Variants in SLIT2 observed in about 807,000 individuals in gnomAD.
SLIT2 encodes slit homolog 2 protein.
In SLIT2, 41 loss-of-function variants were observed where a neutral mutation model predicts 185.7. The observed-to-expected ratio is 0.22, with a 90% CI of 0.17 to 0.29. SLIT2 has a LOEUF of 0.29. Among genes scored for constraint, SLIT2 ranks in the 10% least tolerant of loss-of-function variants. The pLI, the probability that SLIT2 is intolerant of heterozygous loss-of-function variation, is 1.00. For synonymous variants in SLIT2, 693 were observed against 680.2 expected, an observed-to-expected ratio of 1.02 and a Z score of -0.29; for missense variants, 1,571 against 1,909.0, an observed-to-expected ratio of 0.82 and a Z score of 3.30.
In SLIT2 at chr4:20,539,569, A is replaced by T. The variant is rs770464588; in HGVS notation, c.1961A>T (p.His654Leu). Residue 654 changes from histidine to leucine, a missense_variant, in exon 19 of 37, where the codon CAT becomes CTT. His to Leu is a moderately conservative substitution (Grantham distance 99). This residue lies in a region of SLIT2 where 1,202 missense variants were observed against 1,416.4 expected (regional missense o/e 0.85). Coordinates refer to ENST00000504154, the MANE Select transcript of SLIT2 (RefSeq NM_004787.4). ...TVAPGAFDTL[H>L]SLSTLNLLAN... Reference sequence around the variant, plus strand: ...GCACCAGGGGCATTTGATACTCTCCATTCTTTATCTACTCTGTAAGTATGA... The same window carrying T: ...GCACCAGGGGCATTTGATACTCTCCTTTCTTTATCTACTCTGTAAGTATGA... 4 of 1,610,436 alleles carry T rather than the reference A, an allele frequency of 2.5e-6. No homozygotes were observed.
chr4:20,335,065 C>G (rs917935641), intron 4 of SLIT2, among the ~76,000 whole-genome samples: 2 of 151,928 alleles, frequency 1.3e-5, no homozygotes, highest in African/African-American at 4.8e-5. Flanking sequence ...CTGTGTAGTC[C>G]CAAAGGGCTG....
At chr4:20,332,971 T>A (rs746555647) in intron 4 of SLIT2, among the ~76,000 whole-genome samples, 1 of 152,164 alleles carries the variant, frequency 6.6e-6, no homozygotes, top group Non-Finnish European at 1.5e-5. Context: ...AGAAAGGACA[T>A]AATATTTTCT....
intron 28 of SLIT2, 22 bp downstream of exon 28, chr4:20,567,637 A>G (rs1266686954): frequency 2.0e-6 from 3 of 1,504,254 alleles, no homozygotes; most frequent in Non-Finnish European, 2.8e-6. Flanking sequence ...GTCTATGACC[A>G]TCTGTGTCTG....
At chr4:20,562,880 A>G (rs1157151462) in intron 26 of SLIT2, among the ~76,000 whole-genome samples, 4 of 151,680 alleles carry the variant, frequency 2.6e-5, no homozygotes, top group East Asian at 3.9e-4. Flanking sequence ...GGATTTTGTT[A>G]TTTGACCCAT....
chr4:20,586,591 TTAA>T (rs1329894814), intron 29 of SLIT2, among the ~76,000 whole-genome samples: 1 of 152,216 alleles, frequency 6.6e-6, no homozygotes, highest in Non-Finnish European at 1.5e-5. Context: ...GTAATGAATA[TTAA>T]GTGACTGCAT....
At chr4:20,431,010 C>T (rs1728932802) in intron 4 of SLIT2, among the ~76,000 whole-genome samples, 1 of 152,190 alleles carries the variant, frequency 6.6e-6, no homozygotes, top group South Asian at 2.1e-4. Context: ...AAGATGGCGA[C>T]AGATCAAAAT....
At chr4:20,315,437 T>G (rs1254995138) in intron 4 of SLIT2, among the ~76,000 whole-genome samples, 1 of 152,150 alleles carries the variant, frequency 6.6e-6, no homozygotes, top group East Asian at 1.9e-4. Flanking sequence ...GAAAAGCAAG[T>G]AGGCTTGTGA....
intron 4 of SLIT2, among the ~76,000 whole-genome samples, chr4:20,282,627 A>G (rs556060229): frequency 3.0e-4 from 45 of 152,342 alleles, no homozygotes; most frequent in Middle Eastern, 3.4e-3. Flanking sequence ...AATGAAAGTC[A>G]TATCACCTGT....
At chr4:20,539,711 C>T (rs934216662) in intron 19 of SLIT2, 127 bp downstream of exon 19, 10 of 527,766 alleles carry the variant, frequency 1.9e-5, no homozygotes, top group Non-Finnish European at 3.0e-5. Context: ...AAAGGACAAA[C>T]TTGTTCACAT....
chr4:20,279,166 A>G (rs1014583921), intron 4 of SLIT2, among the ~76,000 whole-genome samples: 4 of 152,194 alleles, frequency 2.6e-5, no homozygotes, highest in Admixed American at 2.0e-4. Context: ...AAGTCATTTC[A>G]TGTATTGAGG....
At chr4:20,540,683 G>C (rs1253586496) in intron 19 of SLIT2, among the ~76,000 whole-genome samples, 1 of 152,072 alleles carries the variant, frequency 6.6e-6, no homozygotes, top group African/African-American at 2.4e-5. Context: ...GGGGAATAAA[G>C]ATAGAGAAAA....
intron 4 of SLIT2, among the ~76,000 whole-genome samples, chr4:20,396,670 C>G (rs1577573537): frequency 1.3e-5 from 2 of 151,492 alleles, no homozygotes; most frequent in Admixed American, 1.3e-4. Flanking sequence ...CATTGCGATA[C>G]TCATAGAATT....
At position 20,290,845 on chromosome 4, in the gene SLIT2, G is replaced by A. The variant is rs374544806; in HGVS notation, c.395+21964G>A. On this transcript the variant is annotated intron_variant, in intron 4 of 36. Transcript: ENST00000504154. ...CTTATTTTTTTCTGTATCATTTTTC[G>A]TAATAACCTATATATCAGAAAATCA... Among the ~76,000 whole-genome samples, 59 of 147,186 alleles carry A rather than the reference G, an allele frequency of 4.0e-4. 1 individual carries two copies. In the South Asian group the frequency reaches 7.0e-3, roughly 17 times the overall value.
intron 9 of SLIT2, among the ~76,000 whole-genome samples, chr4:20,496,772 A>G (rs1052637015): frequency 1.3e-5 from 2 of 152,192 alleles, no homozygotes; most frequent in African/African-American, 4.8e-5. Context: ...GCACTTGATA[A>G]ATATTTATTG....
intron 21 of SLIT2, among the ~76,000 whole-genome samples, 160 bp from the exon 22 acceptor site, chr4:20,545,871 T>G (rs1210603290): frequency 1.3e-5 from 2 of 152,058 alleles, no homozygotes; most frequent in Non-Finnish European, 2.9e-5. Flanking sequence ...TTTTTTTTCT[T>G]TACTTCTCTT....
At chr4:20,389,026 ATAGT>A (rs1725197676) in intron 4 of SLIT2, among the ~76,000 whole-genome samples, 1 of 149,588 alleles carries the variant, frequency 6.7e-6, no homozygotes, top group Non-Finnish European at 1.5e-5. Flanking sequence ...TTAAAAATAT[ATAGT>A]TAGTTCACCA....
chr4:20,419,667 C>CTGTGTGTG (rs55679047), intron 4 of SLIT2, among the ~76,000 whole-genome samples: 6,237 of 137,994 alleles, frequency 0.045, 171 homozygotes, highest in Middle Eastern at 0.09. Context: ...AAGTTTTAAG[C>CTGTGTGTG]TGTGTGTGTG....
chr4:20,581,089 A>T (rs1726524811), intron 29 of SLIT2, among the ~76,000 whole-genome samples: 1 of 152,170 alleles, frequency 6.6e-6, no homozygotes, highest in South Asian at 2.1e-4. Flanking sequence ...TGCAAACTGG[A>T]GGCTTAAACA....
At chr4:20,542,826 G>T (rs535038398) in intron 21 of SLIT2, among the ~76,000 whole-genome samples, 200 bp downstream of exon 21, 85 of 67,182 alleles carry the variant, frequency 1.3e-3, no homozygotes, top group Non-Finnish European at 2.0e-3. Context: ...GTGTGTGTGT[G>T]TGTGTGTGTG....
Sources: allele counts gnomAD v4.1 joint callset (sites outside exome capture counted in the v4.1 genomes callset), GRCh38; gene constraint gnomAD v4.1.1; regional missense constraint gnomAD v4.1.1; transcripts MANE v1.5; gene names NCBI Gene and HGNC (gene_info 2026-07-23, HGNC 2026-07-21).